The following FGF12 variants were observed in gnomAD, a reference collection of about 807,000 sequenced individuals.
FGF12 encodes fibroblast growth factor 12B.
FGF12 carries 14 observed loss-of-function variants against 23.6 expected under a neutral mutation model. That is an observed-to-expected ratio of 0.59 (90% CI 0.39 to 0.93). The LOEUF (loss-of-function observed/expected upper bound fraction) is 0.93. FGF12 is among the 40% of genes least tolerant of loss of function. The pLI is 0.00. For missense variants in FGF12, 175 were observed against 217.8 expected (o/e 0.80, Z 1.24); for synonymous variants, 62 against 77.3 (o/e 0.80, Z 1.04).
At chr3:192,309,073 G>A (rs1195078865) in intron 4 of FGF12, among the ~76,000 whole-genome samples, 18 of 152,152 alleles carry the variant, frequency 1.2e-4, no homozygotes, top group Admixed American at 1.2e-3. Context: ...TCATGCAGGA[G>A]CAACTCCATT....
intron 2 of FGF12, among the ~76,000 whole-genome samples, chr3:192,571,835 G>T (rs934294147): frequency 6.6e-6 from 1 of 152,000 alleles, no homozygotes; most frequent in Non-Finnish European, 1.5e-5. Flanking sequence ...AATCTATCTC[G>T]ATCTCACAAT....
At chr3:192,384,724 T>C (rs1363328207) in intron 2 of FGF12, among the ~76,000 whole-genome samples, 1 of 152,234 alleles carries the variant, frequency 6.6e-6, no homozygotes, top group Non-Finnish European at 1.5e-5. Context: ...ACTTTTTTCC[T>C]GAGCCACCAC....
At chr3:192,342,583 A>C (rs547886520) in intron 3 of FGF12, among the ~76,000 whole-genome samples, 1 of 152,194 alleles carries the variant, frequency 6.6e-6, no homozygotes, top group Non-Finnish European at 1.5e-5. Context: ...CTAGCCTGGG[A>C]AACACAGGGA....
intron 2 of FGF12, among the ~76,000 whole-genome samples, chr3:192,563,168 T>A (rs930202815): frequency 6.6e-6 from 1 of 152,140 alleles, no homozygotes; most frequent in Admixed American, 6.5e-5. Context: ...GTAAAGCAAT[T>A]TCAGTTCAAA....
At chr3:192,454,512 AT>A (rs1401281429) in intron 2 of FGF12, among the ~76,000 whole-genome samples, 2 of 152,212 alleles carry the variant, frequency 1.3e-5, no homozygotes, top group Non-Finnish European at 2.9e-5. Flanking sequence ...ATAAGGAAAA[AT>A]AATTGAAAAG....
intron 2 of FGF12, among the ~76,000 whole-genome samples, chr3:192,663,789 A>G (rs1242224492): frequency 2.1e-5 from 3 of 144,508 alleles, no homozygotes; most frequent in Non-Finnish European, 4.6e-5. Flanking sequence ...GATGCTAAAG[A>G]AAAAAAAAAA....
chr3:192,404,943 C>T (rs1313377327), intron 2 of FGF12, among the ~76,000 whole-genome samples: 7 of 152,268 alleles, frequency 4.6e-5, no homozygotes, highest in African/African-American at 1.4e-4. Context: ...AATAATAATA[C>T]CAATGGTTAA....
At chr3:192,153,058 C>T (rs1714146362) in intron 5 of FGF12, among the ~76,000 whole-genome samples, 5 of 72,794 alleles carry the variant, frequency 6.9e-5, no homozygotes, top group Non-Finnish European at 1.2e-4. Flanking sequence ...GATCCCTTTA[C>T]CATTATGTAA....
intron 2 of FGF12, among the ~76,000 whole-genome samples, chr3:192,396,475 T>TA (rs1720523305): frequency 6.6e-6 from 1 of 152,246 alleles, no homozygotes; most frequent in East Asian, 1.9e-4. Flanking sequence ...AGCTGTGGTG[T>TA]AGCAGTAAGG....
intron 2 of FGF12, among the ~76,000 whole-genome samples, chr3:192,432,837 C>G (rs367856485): frequency 6.6e-6 from 1 of 151,916 alleles, no homozygotes; most frequent in African/African-American, 2.4e-5. Context: ...GTTTACTGAC[C>G]CACCGAAACT....
At chr3:192,713,359 C>T (rs560829540) in intron 2 of FGF12, among the ~76,000 whole-genome samples, 12 of 151,332 alleles carry the variant, frequency 7.9e-5, no homozygotes, top group Admixed American at 6.6e-4. Context: ...CAACAAGAGT[C>T]GAAAGTGATT....
chr3:192,580,945 T>C (rs944711747), intron 2 of FGF12, among the ~76,000 whole-genome samples: 1 of 152,196 alleles, frequency 6.6e-6, no homozygotes, highest in Non-Finnish European at 1.5e-5. Flanking sequence ...GAGGATTTAA[T>C]TTGAAGTAGA....
chr3:192,379,403 G>A (rs115735915), intron 2 of FGF12, among the ~76,000 whole-genome samples: 372 of 141,726 alleles, frequency 2.6e-3, no homozygotes, highest in Non-Finnish European at 4.0e-3. Flanking sequence ...TCAATTTTGC[G>A]TGAACCTGAA....
chr3:192,278,410 C>G (rs1469433536), intron 4 of FGF12, among the ~76,000 whole-genome samples: 4 of 152,072 alleles, frequency 2.6e-5, no homozygotes, highest in African/African-American at 4.8e-5. Context: ...GATCTTCTTC[C>G]CATTGTACTG....
chr3:192,518,685 G>A (rs958404400), intron 2 of FGF12, among the ~76,000 whole-genome samples: 1 of 152,014 alleles, frequency 6.6e-6, no homozygotes, highest in East Asian at 1.9e-4. Context: ...AAATCAGTAC[G>A]ATATCTAACA....
chr3:192,333,281 T>C (rs1320981628), intron 4 of FGF12, among the ~76,000 whole-genome samples: 4 of 152,134 alleles, frequency 2.6e-5, no homozygotes, highest in East Asian at 3.9e-4. Context: ...CTGAACTCTA[T>C]AGCTTCTGTG....
At chr3:192,655,632 C>T (rs1428025939) in intron 2 of FGF12, among the ~76,000 whole-genome samples, 1 of 151,924 alleles carries the variant, frequency 6.6e-6, no homozygotes, top group Non-Finnish European at 1.5e-5. Flanking sequence ...GATGAGTCCC[C>T]CAAAATATAA....
At chr3:192,577,043 CA>C (rs1333120650) in intron 2 of FGF12, among the ~76,000 whole-genome samples, 3 of 152,072 alleles carry the variant, frequency 2.0e-5, no homozygotes, top group East Asian at 1.9e-4. Context: ...CATCACACAC[CA>C]GGGCCTGTCG....
At chr3:192,675,897 G>C (rs1221953285) in intron 2 of FGF12, among the ~76,000 whole-genome samples, 7 of 152,206 alleles carry the variant, frequency 4.6e-5, no homozygotes, top group African/African-American at 1.7e-4. Flanking sequence ...TGAATACTTA[G>C]CAAAATCCAC....
Sources: allele counts gnomAD v4.1 joint callset (sites outside exome capture counted in the v4.1 genomes callset), GRCh38; gene constraint gnomAD v4.1.1; transcripts MANE v1.5; gene names NCBI Gene and HGNC (gene_info 2026-07-23, HGNC 2026-07-21).